Variants in ATIC observed in about 807,000 individuals in gnomAD.
ATIC encodes the protein 5-aminoimidazole-4-carboxamide ribonucleotide formyltransferase/IMP cyclohydrolase.
ATIC carries 64 observed loss-of-function variants against 72.5 expected under a neutral mutation model. That is an observed-to-expected ratio of 0.88 (90% CI 0.72 to 1.09). The LOEUF (loss-of-function observed/expected upper bound fraction) is 1.09. Among genes scored for constraint, ATIC ranks in the 50% least tolerant of loss-of-function variants. ATIC has a pLI of 0.00. For synonymous variants in ATIC, 281 were observed against 267.1 expected, an observed-to-expected ratio of 1.05 and a Z score of -0.51; for missense variants, 787 against 732.4, an observed-to-expected ratio of 1.07 and a Z score of -0.86.
Position 215,326,130 on chromosome 2 carries a change from G to A in ATIC, c.523G>A (p.Ala175Thr). ...DTSLETRRQL[A>T]LKAFTHTAQY... ...CTCCTTGGAGACTAGACGCCAGTTA[G>A]CCTTGAAGGTGGGATGCACTTTCAT... The change falls in exon 6 of 16, where the codon GCC (alanine) becomes ACC (threonine). Residue 175 changes from alanine to threonine, a missense_variant. Transcript: ENST00000236959. The A allele has an allele frequency of 6.2e-7, 1 of 1,613,980 alleles. No homozygotes were observed. The highest frequency in any genetic ancestry group is 1.3e-5 in the African/African-American group (1 of 75,030).
intron 8 of ATIC, 78 bp from the exon 9 acceptor site, chr2:215,333,272 G>C (rs751270833): frequency 1.0e-4 from 128 of 1,269,618 alleles, no homozygotes; most frequent in Non-Finnish European, 1.3e-4. Flanking sequence ...TGGGTGTTAA[G>C]AAAACTGTCT....
At chr2:215,322,412 C>T (rs77803803) in intron 4 of ATIC, among the ~76,000 whole-genome samples, 18,397 of 150,314 alleles carry the variant, frequency 0.12, 1,619 homozygotes, top group East Asian at 0.5. Flanking sequence ...TCACTGCAAC[C>T]TTCGCCTCCT....
chr2:215,325,113 A>G (rs1043882053), intron 4 of ATIC, 128 bp from the exon 5 acceptor site: 1 of 725,068 alleles, frequency 1.4e-6, no homozygotes, highest in African/African-American at 1.8e-5. Flanking sequence ...TGTCAGGCTC[A>G]CAGTTTATAT....
chr2:215,330,582 G>A (rs975673874), intron 7 of ATIC, among the ~76,000 whole-genome samples: 2 of 152,092 alleles, frequency 1.3e-5, no homozygotes, highest in Non-Finnish European at 2.9e-5. Context: ...ATGCACAGTG[G>A]CATGTCTCCC....
At position 215,349,177 on chromosome 2, in the gene ATIC, G is replaced by T. The variant is rs145204733; in HGVS notation, c.1587G>T (p.Glu529Asp). 109 of 1,614,032 alleles carry T rather than the reference G, an allele frequency of 6.8e-5. No individual in the cohort carries two copies. Among genetic ancestry groups the T allele is most frequent in the Non-Finnish European group, 9.1e-5 (107 of 1,180,024 alleles). The stretch of plus-strand genomic sequence containing the variant: ...AGGCAGAGAAGAAGGAATGGGTTGA[G>T]AAACTGACTGAAGTTTCTATCAGCT... Reference protein sequence around the residue: ...LTEAEKKEWVEKLTEVSISSD... With the variant: ...LTEAEKKEWVDKLTEVSISSD... Residue 529 changes from glutamate (E) to aspartate (D), a missense_variant, in exon 15 of 16, where the codon GAG becomes GAT. By Grantham distance (45) the Glu-to-Asp change is conservative. Coordinates refer to ENST00000236959, the MANE Select transcript of ATIC (RefSeq NM_004044.7).
At chr2:215,338,243 A>G (rs73089317) in intron 11 of ATIC, among the ~76,000 whole-genome samples, 4,708 of 152,288 alleles carry the variant, frequency 0.031, 231 homozygotes, top group African/African-American at 0.11. Flanking sequence ...AAATGATACA[A>G]ATTCCTTCCA....
chr2:215,362,266 A>G, the ATIC span: 3 of 621,656 alleles, frequency 4.8e-6, no homozygotes, highest in South Asian at 1.8e-5. Context: ...GCTTATTACC[A>G]TATCTTATAC....
At chr2:215,326,778 T>C (rs779478755) in intron 6 of ATIC, 44 bp from the exon 7 acceptor site, 20 of 1,612,256 alleles carry the variant, frequency 1.2e-5, no homozygotes, top group South Asian at 5.5e-5. Context: ...GTCCCCACTT[T>C]GGAAAGTGCT....
At chr2:215,314,643 C>T (rs528869301) in intron 2 of ATIC, among the ~76,000 whole-genome samples, 10 of 152,216 alleles carry the variant, frequency 6.6e-5, no homozygotes, top group Middle Eastern at 3.4e-3. Context: ...GGATTACAGG[C>T]GCCCGCCACC....
chr2:215,338,819 C>T lies in ATIC; in HGVS notation c.1139C>T (p.Thr380Ile), dbSNP rs111571378. Residue 380 changes from threonine (T) to isoleucine (I), a missense_variant, in exon 12 of 16, where the codon ACT becomes ATT. Coordinates refer to ENST00000236959, the MANE Select transcript of ATIC (RefSeq NM_004044.7). Reference sequence around the variant, plus strand: ...AAACCAGATGAAAATGAAGTTCGAACTCTCTTTGGTCTTCATTTAAGCCAG... The same window carrying T: ...AAACCAGATGAAAATGAAGTTCGAATTCTCTTTGGTCTTCATTTAAGCCAG... ...SYKPDENEVR[T>I]LFGLHLSQKR... 8.0e-5 allele frequency: 129 copies of T among 1,613,824 alleles called. 1 individual carries two copies. In the African/African-American group the frequency reaches 1.6e-3, roughly 20 times the overall value.
At chr2:215,321,878 T>G (rs899176741) in intron 4 of ATIC, among the ~76,000 whole-genome samples, 1 of 152,208 alleles carries the variant, frequency 6.6e-6, no homozygotes. Flanking sequence ...TGTGTTAGCC[T>G]TTCTTGATGG....
chr2:215,347,455 A>G (rs2053083786), intron 14 of ATIC, among the ~76,000 whole-genome samples: 1 of 152,176 alleles, frequency 6.6e-6, no homozygotes, highest in South Asian at 2.1e-4. Flanking sequence ...TGGGAACATT[A>G]CAATCGCAAA....
intron 7 of ATIC, among the ~76,000 whole-genome samples, chr2:215,327,665 C>A (rs977320838): frequency 3.9e-5 from 6 of 152,010 alleles, no homozygotes; most frequent in Admixed American, 1.3e-4. Flanking sequence ...GGCATGGAGG[C>A]CTTGGAATCC....
intron 7 of ATIC, among the ~76,000 whole-genome samples, chr2:215,330,790 C>T (rs563058450): frequency 3.3e-4 from 50 of 151,758 alleles, no homozygotes; most frequent in African/African-American, 6.8e-4. Context: ...GCAGTCCTTC[C>T]GCCTTGGCCT....
chr2:215,327,725 T>C (rs1559271337), intron 7 of ATIC, among the ~76,000 whole-genome samples: 1 of 152,096 alleles, frequency 6.6e-6, no homozygotes, highest in Non-Finnish European at 1.5e-5. Context: ...GGCAGCCTCC[T>C]TCCTGCCTGG....
chr2:215,332,366 A>G lies in ATIC; in HGVS notation c.689-16A>G, dbSNP rs113047875. Reference sequence around the variant, plus strand: ...TGATCCTGCTTAGTAATGTGCATGTATATTTTTACATTTAGTTCTAAATGG... The same window carrying G: ...TGATCCTGCTTAGTAATGTGCATGTGTATTTTTACATTTAGTTCTAAATGG... On this transcript the variant is annotated splice_polypyrimidine_tract_variant and intron_variant, in intron 7 of 15. Transcript: ENST00000236959. 338 of 1,614,006 alleles carry G rather than the reference A, an allele frequency of 2.1e-4. 3 individuals are homozygous for G. The African/African-American group carries it at 3.1e-3, about 15-fold the overall frequency.
At chr2:215,329,887 G>A (rs953123487) in intron 7 of ATIC, among the ~76,000 whole-genome samples, 1 of 151,150 alleles carries the variant, frequency 6.6e-6, no homozygotes, top group African/African-American at 2.4e-5. Context: ...TCAGCCTCCT[G>A]AGTAGTTGGG....
chr2:215,314,889 A>G (rs2052692869), intron 2 of ATIC, among the ~76,000 whole-genome samples: 2 of 152,224 alleles, frequency 1.3e-5, no homozygotes, highest in Admixed American at 1.3e-4. Flanking sequence ...ATAATAAGAG[A>G]AAAGCATAAC....
chr2:215,349,164 A>G lies in ATIC; in HGVS notation c.1574A>G (p.Lys525Arg), dbSNP rs762595830. ...GAGTTACTCACTGAGGCAGAGAAGA[A>G]GGAATGGGTTGAGAAACTGACTGAA... is the stretch of plus-strand genomic sequence containing the variant. The part of the protein sequence containing the change: ...VPELLTEAEK[K>R]EWVEKLTEVS... The change falls in exon 15 of 16, where the codon AAG (lysine) becomes AGG (arginine). Residue 525 changes from lysine to arginine, a missense_variant. Physicochemically the swap from Lys to Arg is conservative, Grantham distance 26 (BLOSUM62 2). Transcript: ENST00000236959. The G allele has an allele frequency of 6.2e-7, 1 of 1,614,144 alleles. No individual in the cohort carries two copies. Among genetic ancestry groups the G allele is most frequent in the Non-Finnish European group, 8.5e-7 (1 of 1,180,006 alleles).
Sources: allele counts gnomAD v4.1 joint callset (sites outside exome capture counted in the v4.1 genomes callset), GRCh38; gene constraint gnomAD v4.1.1; transcripts MANE v1.5; gene names NCBI Gene and HGNC (gene_info 2026-07-23, HGNC 2026-07-21).